The following MCOLN2 variants were observed in gnomAD, a reference collection of about 807,000 sequenced individuals.
The protein encoded by MCOLN2 is mucolipin TRP cation channel 2, also known as mucolipin-2.
A neutral mutation model predicts 67.5 loss-of-function variants in MCOLN2; 57 were observed. The ratio of observed to expected loss-of-function variants is 0.84; its 90% CI spans 0.68 to 1.05. MCOLN2 has a LOEUF of 1.05. Among genes scored for constraint, MCOLN2 ranks in the 50% least tolerant of loss-of-function variants. MCOLN2 has a pLI of 0.00. For missense variants in MCOLN2, 620 were observed against 678.8 expected, an observed-to-expected ratio of 0.91 and a Z score of 0.96; for synonymous variants, 246 against 233.3, an observed-to-expected ratio of 1.05 and a Z score of -0.50.
At chr1:84,972,282 T>C (rs1022459827) in intron 1 of MCOLN2, among the ~76,000 whole-genome samples, 2 of 152,178 alleles carry the variant, frequency 1.3e-5, no homozygotes, top group African/African-American at 4.8e-5. Flanking sequence ...TGTCATGCAA[T>C]TGAAATTGCA....
At chr1:84,983,916 C>T (rs545600940) in intron 1 of MCOLN2, among the ~76,000 whole-genome samples, 1 of 152,108 alleles carries the variant, frequency 6.6e-6, no homozygotes, top group Non-Finnish European at 1.5e-5. Context: ...ACCTTATGTC[C>T]ACCCACCTCG....
In MCOLN2 at chr1:84,937,606, A is replaced by C. The variant is rs1647499838; in HGVS notation, c.1335+149T>G. On this transcript the variant is annotated intron_variant, in intron 11 of 13. Coordinates refer to ENST00000370608, the MANE Select transcript of MCOLN2 (RefSeq NM_153259.4). The stretch of plus-strand genomic sequence containing the variant: ...TCACTTCTATATCCTGAAAAGGAAA[A>C]AAAGAAAAAGAAAACTGATACAAAG... The C allele has an allele frequency of 3.5e-6, 5 of 1,422,550 alleles. No individual in the cohort carries two copies. In the South Asian group the frequency reaches 8.1e-5, roughly 23 times the overall value. 88.1% of individuals were successfully genotyped at this position (1,422,550 alleles called of 1,614,324 possible). A position where few individuals can be genotyped will look rare whatever the true frequency, so the allele number is the denominator to read the frequency against.
chr1:84,933,026 C>A (rs992889570), intron 11 of MCOLN2, among the ~76,000 whole-genome samples: 3 of 152,182 alleles, frequency 2.0e-5, no homozygotes, highest in African/African-American at 7.2e-5. Flanking sequence ...TATTAATATG[C>A]TGTGCTTATC....
chr1:84,947,061 T>C lies in MCOLN2; in HGVS notation c.819A>G (p.Glu273=). The change falls in exon 7 of 14, where the codon GAA becomes GAG. Residue 273 remains glutamate, a synonymous_variant. Coordinates refer to ENST00000370608, the MANE Select transcript of MCOLN2 (RefSeq NM_153259.4). ...ATCCAAATATGTTCAAGTCTTTACATTCTTCAATTTTGGCATCACTGTCAA... is the reference window on the plus strand; with the variant it reads ...ATCCAAATATGTTCAAGTCTTTACACTCTTCAATTTTGGCATCACTGTCAA... ...IYFDSDAKIE[E]CKDLNIFGST... The C allele has an allele frequency of 1.3e-6, 2 of 1,585,398 alleles. No homozygotes were observed. The highest frequency in any genetic ancestry group is 1.7e-6 in the Non-Finnish European group (2 of 1,154,278).
At chr1:84,956,647 A>G in intron 3 of MCOLN2, 63 bp from the exon 4 acceptor site, 1 of 1,372,438 alleles carries the variant, frequency 7.3e-7, no homozygotes, top group Non-Finnish European at 9.8e-7. Context: ...CAGAGGTTAT[A>G]GCATATAGAA....
At chr1:84,954,493 A>G (rs1648678165) in intron 4 of MCOLN2, among the ~76,000 whole-genome samples, 1 of 152,204 alleles carries the variant, frequency 6.6e-6, no homozygotes, top group African/African-American at 2.4e-5. Flanking sequence ...GCATCATCTC[A>G]TTTAATCTTC....
intron 2 of MCOLN2, among the ~76,000 whole-genome samples, chr1:84,961,752 G>C (rs2102852476): frequency 6.6e-6 from 1 of 152,230 alleles, no homozygotes; most frequent in East Asian, 1.9e-4. Flanking sequence ...TATGATACAA[G>C]ACAGAAAAAT....
intron 2 of MCOLN2, among the ~76,000 whole-genome samples, chr1:84,963,117 A>C (rs947952024): frequency 6.6e-5 from 10 of 152,228 alleles, no homozygotes; most frequent in Non-Finnish European, 1.5e-4. Context: ...GTCACTTACT[A>C]ACTGAAGGAT....
At chr1:84,969,713 A>T (rs1425130534) in intron 1 of MCOLN2, among the ~76,000 whole-genome samples, 1 of 89,652 alleles carries the variant, frequency 1.1e-5, no homozygotes, top group East Asian at 4.9e-4. Context: ...ATGAGCACTT[A>T]GTCCGCGGAG....
intron 1 of MCOLN2, among the ~76,000 whole-genome samples, chr1:84,987,254 T>A (rs1450827295): frequency 1.7e-5 from 1 of 58,344 alleles, no homozygotes; most frequent in Non-Finnish European, 3.7e-5. Flanking sequence ...TGTATATAGA[T>A]ATACATATAG....
Position 84,986,803 on chromosome 1 carries a change from G to A in MCOLN2, c.77+9993C>T, listed in dbSNP as rs1650531616. ...AAATGCTCAACATCACTAATGATGAGGGAAATGCAAATCAAAACCACAATG... is the reference window on the plus strand; with the variant it reads ...AAATGCTCAACATCACTAATGATGAAGGAAATGCAAATCAAAACCACAATG... On this transcript the variant is annotated intron_variant, in intron 1 of 13. Transcript: ENST00000370608. 1.3e-5 allele frequency among the ~76,000 whole-genome samples: 2 copies of A among 152,124 alleles called. 1 individual carries two copies. The highest frequency in any genetic ancestry group is 4.1e-4 in the South Asian group (2 of 4,830).
At chr1:84,932,857 T>C (rs1647244983) in intron 11 of MCOLN2, among the ~76,000 whole-genome samples, 1 of 152,176 alleles carries the variant, frequency 6.6e-6, no homozygotes, top group Non-Finnish European at 1.5e-5. Context: ...CCCTCCCCAG[T>C]CAAAGCTGCA....
chr1:84,984,503 C>G (rs1273343868), intron 1 of MCOLN2, among the ~76,000 whole-genome samples: 1 of 152,232 alleles, frequency 6.6e-6, no homozygotes, highest in Non-Finnish European at 1.5e-5. Flanking sequence ...GAATCCCCAT[C>G]TCTTGGATCC....
chr1:84,950,470 T>C (rs776330320), intron 6 of MCOLN2, among the ~76,000 whole-genome samples: 8 of 152,344 alleles, frequency 5.3e-5, no homozygotes, highest in Admixed American at 2.0e-4. Context: ...AGGCTAGAAA[T>C]TATTTTTCTA....
chr1:84,987,321 TATAG>T (rs1220949555), intron 1 of MCOLN2, among the ~76,000 whole-genome samples: 5 of 144,788 alleles, frequency 3.5e-5, no homozygotes, highest in African/African-American at 5.0e-5. Flanking sequence ...TCTATATGTA[TATAG>T]ATATATAGAT....
At chr1:84,959,455 C>A (rs550093288) in intron 2 of MCOLN2, among the ~76,000 whole-genome samples, 5 of 152,270 alleles carry the variant, frequency 3.3e-5, no homozygotes, top group Admixed American at 1.3e-4. Flanking sequence ...AAGTTTTCTT[C>A]TTGGAACCCA....
rs372772173 is a variant in MCOLN2 at position 84,931,415 on chromosome 1, T to C, written c.1489A>G (p.Met497Val). The C allele has an allele frequency of 3.8e-6, 6 of 1,597,808 alleles. No individual in the cohort carries two copies. Among genetic ancestry groups the C allele is most frequent in the East Asian group, 4.5e-5 (2 of 44,774 alleles). ...LYSFISLFIY[M>V]ILSLFIALIT... ...AGTGCAATAAAAAGACTGAGAATCA[T>C]ATATATAAAAAGGCTGATGAAGGAA... The change falls in exon 12 of 14, where the codon ATG becomes GTG. Residue 497 changes from methionine to valine, a missense_variant. Physicochemically the swap from Met to Val is conservative, Grantham distance 21 (BLOSUM62 1). Coordinates refer to ENST00000370608, the MANE Select transcript of MCOLN2 (RefSeq NM_153259.4).
chr1:84,933,011 G>C (rs1647250210), intron 11 of MCOLN2, among the ~76,000 whole-genome samples: 1 of 152,142 alleles, frequency 6.6e-6, no homozygotes, highest in African/African-American at 2.4e-5. Context: ...TCTCCTCCTT[G>C]ACAGTATTAA....
At chr1:84,968,484 A>G (rs1398305558) in intron 1 of MCOLN2, among the ~76,000 whole-genome samples, 2 of 152,238 alleles carry the variant, frequency 1.3e-5, no homozygotes, top group African/African-American at 4.8e-5. Context: ...TGAGGAAACC[A>G]AGTGACATAA....
Sources: allele counts gnomAD v4.1 joint callset (sites outside exome capture counted in the v4.1 genomes callset), GRCh38; gene constraint gnomAD v4.1.1; transcripts MANE v1.5; gene names NCBI Gene and HGNC (gene_info 2026-07-23, HGNC 2026-07-21).